ST3GAL3: variants seen among roughly 807,000 people sequenced by gnomAD.
ST3GAL3 encodes the protein ST3 beta-galactoside alpha-2,3-sialyltransferase 3.
Under a neutral mutation model 50.1 loss-of-function variants are expected in ST3GAL3, and 21 were observed. The observed-to-expected ratio is 0.42, with a 90% CI of 0.30 to 0.60. The LOEUF (loss-of-function observed/expected upper bound fraction) is 0.60, where lower values mean the gene tolerates loss of function less well. Ranked by LOEUF, ST3GAL3 falls within the 20% of genes least tolerant of loss-of-function variation. The probability of loss-of-function intolerance (pLI) is 0.19; values close to 1 mark genes in which losing one functional copy is unlikely to be tolerated. For missense variants in ST3GAL3, 353 were observed against 489.4 expected, an observed-to-expected ratio of 0.72 and a Z score of 2.63; for synonymous variants, 183 against 190.0, an observed-to-expected ratio of 0.96 and a Z score of 0.30.
intron 4 of ST3GAL3, among the ~76,000 whole-genome samples, chr1:43,821,109 G>T (rs773371686): frequency 1.3e-5 from 2 of 152,160 alleles, no homozygotes; most frequent in Non-Finnish European, 2.9e-5. Context: ...AAAATTCTAA[G>T]ACATAGACAC....
chr1:43,830,704 C>G (rs971145087), intron 4 of ST3GAL3, among the ~76,000 whole-genome samples: 2 of 152,164 alleles, frequency 1.3e-5, no homozygotes, highest in African/African-American at 4.8e-5. Context: ...CACATAAGTG[C>G]TAGGATGCTA....
intron 11 of ST3GAL3, among the ~76,000 whole-genome samples, chr1:43,924,343 C>CT (rs1339352628): frequency 6.6e-6 from 1 of 152,228 alleles, no homozygotes; most frequent in African/African-American, 2.4e-5. Context: ...GCCCTCACAG[C>CT]TTTTATCAGC....
intron 3 of ST3GAL3, among the ~76,000 whole-genome samples, chr1:43,812,949 T>C (rs1223644140): frequency 6.6e-6 from 1 of 152,224 alleles, no homozygotes; most frequent in Non-Finnish European, 1.5e-5. Context: ...GATATAATTA[T>C]TTTTACTATA....
chr1:43,841,768 C>T (rs976417760), intron 5 of ST3GAL3: 4 of 152,214 alleles, frequency 2.6e-5, no homozygotes, highest in Admixed American at 6.5e-5. Context: ...GTGGTTACTC[C>T]ACAGCCTGCT....
chr1:43,875,938 C>CTTA (rs2074000993), intron 5 of ST3GAL3, among the ~76,000 whole-genome samples: 2 of 45,846 alleles, frequency 4.4e-5, no homozygotes, highest in Non-Finnish European at 9.4e-5. Flanking sequence ...TCTTCTTCTT[C>CTTA]TTCTTCTTCT....
chr1:43,743,817 C>T (rs1009399413), intron 2 of ST3GAL3: 7 of 199,206 alleles, frequency 3.5e-5, no homozygotes, highest in East Asian at 1.6e-4. Flanking sequence ...CTGACTACTA[C>T]AGTATAGTAT....
chr1:43,811,931 A>G (rs535547096), intron 3 of ST3GAL3, among the ~76,000 whole-genome samples: 3 of 152,272 alleles, frequency 2.0e-5, no homozygotes, highest in African/African-American at 7.2e-5. Context: ...GAATTACGTG[A>G]TAAGTATTAA....
intron 1 of ST3GAL3, among the ~76,000 whole-genome samples, chr1:43,727,516 C>G (rs1159008198): frequency 6.6e-6 from 1 of 152,060 alleles, no homozygotes; most frequent in Non-Finnish European, 1.5e-5. Flanking sequence ...GGGCAGCATA[C>G]CAGTAATTAA....
At chr1:43,893,537 C>T (rs2076944874) in intron 5 of ST3GAL3, among the ~76,000 whole-genome samples, 1 of 152,196 alleles carries the variant, frequency 6.6e-6, no homozygotes, top group Admixed American at 6.5e-5. Flanking sequence ...TCCTCACTTC[C>T]CTTCCCTTCA....
intron 2 of ST3GAL3, among the ~76,000 whole-genome samples, chr1:43,771,730 TTGTG>T (rs143955404): frequency 0.23 from 33,403 of 144,930 alleles, 4,547 homozygotes; most frequent in East Asian, 0.49. Flanking sequence ...TTTAATAAAG[TTGTG>T]TGTGTGTGTG....
intron 1 of ST3GAL3, among the ~76,000 whole-genome samples, chr1:43,720,913 A>G (rs946140093): frequency 2.6e-5 from 4 of 152,196 alleles, no homozygotes; most frequent in African/African-American, 7.2e-5. Context: ...AAAATATGGT[A>G]TATTCCTAGG....
At chr1:43,735,480 G>A (rs1285638384) in intron 1 of ST3GAL3, among the ~76,000 whole-genome samples, 1 of 152,196 alleles carries the variant, frequency 6.6e-6, no homozygotes, top group Non-Finnish European at 1.5e-5. Context: ...AAGGACTGTA[G>A]GCCTGAAGGC....
intron 4 of ST3GAL3, among the ~76,000 whole-genome samples, chr1:43,829,831 AC>A (rs2063294664): frequency 2.0e-5 from 3 of 151,938 alleles, no homozygotes; most frequent in Non-Finnish European, 4.4e-5. Context: ...TTATTTACTT[AC>A]CTATTTGCTT....
chr1:43,798,000 T>C (rs1230576196), intron 3 of ST3GAL3, among the ~76,000 whole-genome samples: 4 of 152,210 alleles, frequency 2.6e-5, no homozygotes, highest in Admixed American at 6.5e-5. Flanking sequence ...CAAATACTTA[T>C]GTGTAAATGC....
At chr1:43,924,354 C>T (rs1044955593) in intron 11 of ST3GAL3, among the ~76,000 whole-genome samples, 1 of 152,240 alleles carries the variant, frequency 6.6e-6, no homozygotes, top group Non-Finnish European at 1.5e-5. Context: ...TTTTATCAGC[C>T]TCCTGGCTTC....
chr1:43,917,603 T>TTG (rs2082191535), intron 9 of ST3GAL3, among the ~76,000 whole-genome samples: 1 of 15,922 alleles, frequency 6.3e-5, no homozygotes, highest in Non-Finnish European at 1.9e-4. Flanking sequence ...AATATATATA[T>TTG]TATATATTAT....
chr1:43,839,625 T>G (rs765035680), intron 5 of ST3GAL3: 1 of 152,224 alleles, frequency 6.6e-6, no homozygotes, highest in Non-Finnish European at 1.5e-5. Flanking sequence ...TATTTAATAT[T>G]CTGTACTGTG....
At chr1:43,798,478 T>C (rs924365931) in intron 3 of ST3GAL3, among the ~76,000 whole-genome samples, 1 of 152,172 alleles carries the variant, frequency 6.6e-6, no homozygotes, top group African/African-American at 2.4e-5. Flanking sequence ...CACGCTACAT[T>C]GGCATGCCTG....
chr1:43,770,351 A>G (rs1419208836), intron 2 of ST3GAL3, among the ~76,000 whole-genome samples: 1 of 152,088 alleles, frequency 6.6e-6, no homozygotes, highest in African/African-American at 2.4e-5. Context: ...CTGTGTGCGT[A>G]AATTAACAAA....
Sources: allele counts gnomAD v4.1 joint callset (sites outside exome capture counted in the v4.1 genomes callset), GRCh38; gene constraint gnomAD v4.1.1; transcripts MANE v1.5; gene names NCBI Gene and HGNC (gene_info 2026-07-23, HGNC 2026-07-21).